KIF2A: variants seen among roughly 807,000 people sequenced by gnomAD.
The protein encoded by KIF2A is kinesin family member 2A.
Under a neutral mutation model 100.2 loss-of-function variants are expected in KIF2A, and 22 were observed. The observed-to-expected ratio is 0.22, with a 90% CI of 0.16 to 0.31. The LOEUF (loss-of-function observed/expected upper bound fraction) is 0.31. Among genes scored for constraint, KIF2A ranks in the 10% least tolerant of loss-of-function variants. KIF2A has a pLI of 1.00. For synonymous variants in KIF2A, 268 were observed against 285.9 expected (o/e 0.94, Z 0.63); for missense variants, 495 against 898.7 (o/e 0.55, Z 5.74).
At chr5:62,349,965 T>TA in intron 3 of KIF2A, 101 bp from the exon 4 acceptor site, 1 of 692,390 alleles carries the variant, frequency 1.4e-6, no homozygotes, top group Non-Finnish European at 2.4e-6. Flanking sequence ...TTTATATTCT[T>TA]ACATGTCTGC....
rs1284532757 is a variant in KIF2A, at chr5:62,316,319, T to C, written c.64+9783T>C. 2.6e-5 allele frequency among the ~76,000 whole-genome samples: 4 copies of C among 152,334 alleles called. No individual in the cohort carries two copies. The East Asian group carries it at 5.8e-4, about 22-fold the overall frequency. On this transcript the variant is annotated intron_variant, in intron 1 of 20. Transcript: ENST00000407818. ...AAAGCAGTACACAAAGAATATGACG[T>C]CATCTCTTTAAGGGATGAGGTGTTT...
At chr5:62,307,610 C>T (rs2111755656) in intron 1 of KIF2A, among the ~76,000 whole-genome samples, 1 of 151,014 alleles carries the variant, frequency 6.6e-6, no homozygotes, top group East Asian at 1.9e-4. Flanking sequence ...TTCCTGACTC[C>T]ATCTCTCATA....
At chr5:62,308,223 A>G (rs1745405706) in intron 1 of KIF2A, 3 of 591,002 alleles carry the variant, frequency 5.1e-6, no homozygotes, top group African/African-American at 1.9e-5. Flanking sequence ...GGAAAGAGAT[A>G]CCTTCTTTAC....
chr5:62,349,071 C>T (rs1231341312), intron 3 of KIF2A, among the ~76,000 whole-genome samples: 1 of 152,038 alleles, frequency 6.6e-6, no homozygotes, highest in East Asian at 1.9e-4. Context: ...TTGAGAGTCA[C>T]CACTTAGAGG....
chr5:62,320,939 C>T (rs911206233), intron 1 of KIF2A, among the ~76,000 whole-genome samples: 1 of 152,072 alleles, frequency 6.6e-6, no homozygotes, highest in Non-Finnish European at 1.5e-5. Flanking sequence ...TCTGCATTCC[C>T]CTCTCATTCC....
intron 1 of KIF2A, chr5:62,306,848 G>GC (rs200309229): frequency 0.024 from 7,596 of 318,660 alleles, 2 homozygotes; most frequent in Middle Eastern, 0.041. Context: ...GCAATCTCCA[G>GC]CCCCCCCCCG....
chr5:62,376,172 C>T (rs1265040113), intron 18 of KIF2A, among the ~76,000 whole-genome samples: 2 of 152,070 alleles, frequency 1.3e-5, no homozygotes, highest in Non-Finnish European at 2.9e-5. Context: ...GGTTAGATGA[C>T]CAGAACTAAT....
At chr5:62,374,684 T>C (rs1741467070) in intron 18 of KIF2A, among the ~76,000 whole-genome samples, 1 of 152,120 alleles carries the variant, frequency 6.6e-6, no homozygotes, top group South Asian at 2.1e-4. Flanking sequence ...CTCACGCCTG[T>C]AATCCGAGGC....
intron 1 of KIF2A, among the ~76,000 whole-genome samples, chr5:62,315,764 C>T (rs559661414): frequency 6.6e-6 from 1 of 152,142 alleles, no homozygotes; most frequent in East Asian, 1.9e-4. Flanking sequence ...CTCCTAAGAG[C>T]AGTAATAGGA....
intron 1 of KIF2A, among the ~76,000 whole-genome samples, chr5:62,318,117 T>C (rs1745912884): frequency 6.6e-6 from 1 of 151,998 alleles, no homozygotes; most frequent in South Asian, 2.1e-4. Flanking sequence ...AGAGTCTTGG[T>C]CTGTCACCAG....
At chr5:62,357,783 T>C (rs1311327903) in intron 8 of KIF2A, 38 bp downstream of exon 8, 2 of 1,205,030 alleles carry the variant, frequency 1.7e-6, no homozygotes, top group Admixed American at 4.1e-5. Flanking sequence ...AGATTGATTT[T>C]ATCTTATTTG....
rs1444844211 is a variant in KIF2A at position 62,389,713 on chromosome 5, C to G, written c.*4144C>G. 1.3e-5 allele frequency among the ~76,000 whole-genome samples: 2 copies of G among 151,996 alleles called. No homozygotes were observed. Among genetic ancestry groups the G allele is most frequent in the African/African-American group, 4.8e-5 (2 of 41,368 alleles). On this transcript the variant is annotated 3_prime_UTR_variant, in exon 21 of 21. Coordinates refer to ENST00000407818, the MANE Select transcript of KIF2A (RefSeq NM_001098511.3). ...AATTGGCAGAAGTCAGATGAAAAACCAATCTTACATGCCCCTTCTTCCTCT... is the reference window on the plus strand; with the variant it reads ...AATTGGCAGAAGTCAGATGAAAAACGAATCTTACATGCCCCTTCTTCCTCT...
rs147294692 is a variant in KIF2A at position 62,338,381 on chromosome 5, C to T, written c.65-8749C>T. On this transcript the variant is annotated intron_variant, in intron 1 of 20. Coordinates refer to ENST00000407818, the MANE Select transcript of KIF2A (RefSeq NM_001098511.3). Reference sequence around the variant, plus strand: ...TTGGCTCACTTCAACCTCTGCCTCCCGGGCTCAAGCAATTCTCCTGTCTCA... The same window carrying T: ...TTGGCTCACTTCAACCTCTGCCTCCTGGGCTCAAGCAATTCTCCTGTCTCA... 1.9e-3 allele frequency among the ~76,000 whole-genome samples: 282 copies of T among 152,284 alleles called. 2 individuals are homozygous for T. The highest frequency in any genetic ancestry group is 5.4e-3 in the African/African-American group (225 of 41,562).
intron 2 of KIF2A, among the ~76,000 whole-genome samples, 191 bp downstream of exon 2, chr5:62,347,415 T>G (rs1361918877): frequency 1.3e-5 from 2 of 152,218 alleles, no homozygotes; most frequent in Non-Finnish European, 2.9e-5. Flanking sequence ...ATTGCACATA[T>G]CAGTCTTAAT....
At chr5:62,335,960 T>A (rs1036156216) in intron 1 of KIF2A, among the ~76,000 whole-genome samples, 1 of 152,224 alleles carries the variant, frequency 6.6e-6, no homozygotes, top group African/African-American at 2.4e-5. Flanking sequence ...AATGTAAACT[T>A]AGAATTTTCA....
chr5:62,378,613 G>A (rs1002609461), intron 19 of KIF2A, among the ~76,000 whole-genome samples: 1 of 152,114 alleles, frequency 6.6e-6, no homozygotes, highest in African/African-American at 2.4e-5. Context: ...TAGGATACAC[G>A]TTCATTAAAA....
chr5:62,380,225 T>C (rs1468467323), intron 19 of KIF2A, among the ~76,000 whole-genome samples: 2 of 152,184 alleles, frequency 1.3e-5, no homozygotes, highest in Non-Finnish European at 2.9e-5. Flanking sequence ...GCCCAACCAC[T>C]GTGAGTCCCT....
intron 1 of KIF2A, among the ~76,000 whole-genome samples, chr5:62,343,707 C>G (rs1489530693): frequency 6.6e-6 from 1 of 152,104 alleles, no homozygotes; most frequent in Non-Finnish European, 1.5e-5. Context: ...GGGAGAGTAT[C>G]ACAGTAATCT....
chr5:62,374,351 A>AT (rs1448497198), intron 18 of KIF2A, among the ~76,000 whole-genome samples: 1 of 152,208 alleles, frequency 6.6e-6, no homozygotes, highest in African/African-American at 2.4e-5. Flanking sequence ...CTTACCTACC[A>AT]TAACAGCAGT....
Sources: gnomAD v4.1 joint callset for allele counts (sites outside exome capture counted in the v4.1 genomes callset) on GRCh38, gnomAD v4.1.1 for gene constraint, MANE v1.5 for transcripts, NCBI Gene and HGNC (gene_info 2026-07-23, HGNC 2026-07-21) for gene names.